CARMIL1: variants seen among roughly 807,000 people sequenced by gnomAD.
CARMIL1 encodes capping protein regulator and myosin 1 linker 1.
In CARMIL1, 90 loss-of-function variants were observed where a neutral mutation model predicts 177.1. That is an observed-to-expected ratio of 0.51 (90% CI 0.43 to 0.61). CARMIL1 has a LOEUF of 0.61. CARMIL1 is among the 20% of genes least tolerant of loss of function. The pLI is 0.00. For synonymous variants in CARMIL1, 577 were observed against 606.2 expected, an observed-to-expected ratio of 0.95 and a Z score of 0.71; for missense variants, 1,380 against 1,667.0, an observed-to-expected ratio of 0.83 and a Z score of 3.00.
chr6:25,329,301 AG>A (rs1048521660), intron 2 of CARMIL1, among the ~76,000 whole-genome samples: 8 of 152,196 alleles, frequency 5.3e-5, no homozygotes, highest in Non-Finnish European at 1.0e-4. Context: ...GGTTGTGACC[AG>A]GCTCTTTCTT....
In CARMIL1 at chr6:25,607,590, C is replaced by T. The variant is rs558207946; in HGVS notation, c.3847+1317C>T. 2.0e-5 allele frequency among the ~76,000 whole-genome samples: 3 copies of T among 152,248 alleles called. No individual in the cohort carries two copies. In the East Asian group the frequency reaches 5.8e-4, roughly 29 times the overall value. ...GTGGTAACTGTTTCTATTGACCTCT[C>T]CCCCATGGACATGTATATTGTAAAG... On this transcript the variant is annotated intron_variant, in intron 35 of 36. Transcript: ENST00000329474.
Position 25,500,358 on chromosome 6 carries a change from A to G in CARMIL1, c.1395+123A>G, listed in dbSNP as rs572429181. 4 of 784,220 alleles carry G rather than the reference A, an allele frequency of 5.1e-6. No homozygotes were observed. In the South Asian group the frequency reaches 5.3e-5, roughly 10 times the overall value. 48.6% of individuals were successfully genotyped at this position (784,220 alleles called of 1,614,324 possible). On this transcript the variant is annotated intron_variant, in intron 17 of 36. Transcript: ENST00000329474. ...TAAATGAAGCAGAAAAATAAATTAT[A>G]CAAGTTTCTAATGTTCTGTATTTTG... is the stretch of plus-strand genomic sequence containing the variant.
At chr6:25,397,554 A>C (rs900236145) in intron 2 of CARMIL1, among the ~76,000 whole-genome samples, 2 of 152,232 alleles carry the variant, frequency 1.3e-5, no homozygotes, top group African/African-American at 4.8e-5. Flanking sequence ...GGGTGTTTTT[A>C]CATGCACTTT....
chr6:25,384,440 T>C (rs1332185763), intron 2 of CARMIL1, among the ~76,000 whole-genome samples: 1 of 152,238 alleles, frequency 6.6e-6, no homozygotes, highest in Admixed American at 6.5e-5. Context: ...CAGCCACGTG[T>C]ACAATAGGTA....
At chr6:25,325,877 A>C (rs1785042371) in intron 2 of CARMIL1, among the ~76,000 whole-genome samples, 1 of 151,718 alleles carries the variant, frequency 6.6e-6, no homozygotes, top group Admixed American at 6.6e-5. Flanking sequence ...GTCAGATGAG[A>C]CTTTTTTTTT....
chr6:25,279,930 A>C (rs1780939351), intron 1 of CARMIL1, 95 bp downstream of exon 1: 2 of 1,432,226 alleles, frequency 1.4e-6, no homozygotes, highest in Non-Finnish European at 2.0e-6. Flanking sequence ...GGTCTCGAGA[A>C]GTCTTGGCGC....
chr6:25,331,085 C>T (rs966829375), intron 2 of CARMIL1, among the ~76,000 whole-genome samples: 1 of 152,260 alleles, frequency 6.6e-6, no homozygotes, highest in Middle Eastern at 3.4e-3. Flanking sequence ...GGAGGAGGCA[C>T]TCAGTATATT....
At chr6:25,574,609 T>C (rs1233906826) in intron 29 of CARMIL1, among the ~76,000 whole-genome samples, 1 of 152,230 alleles carries the variant, frequency 6.6e-6, no homozygotes, top group East Asian at 1.9e-4. Context: ...TTCCTGTTTG[T>C]TTTTTGTGTT....
chr6:25,581,171 A>G, intron 30 of CARMIL1, 72 bp from the exon 31 acceptor site: 1 of 1,447,918 alleles, frequency 6.9e-7, no homozygotes, highest in Non-Finnish European at 9.4e-7. Context: ...ACTTTTAGGA[A>G]TTTTTTATCC....
intron 2 of CARMIL1, among the ~76,000 whole-genome samples, chr6:25,301,950 A>G (rs891009816): frequency 2.0e-5 from 3 of 151,954 alleles, no homozygotes; most frequent in Non-Finnish European, 2.9e-5. Context: ...TTTGCCTCCA[A>G]TAACATTTTC....
At chr6:25,572,656 T>C (rs529406126) in intron 29 of CARMIL1, among the ~76,000 whole-genome samples, 2 of 144,256 alleles carry the variant, frequency 1.4e-5, no homozygotes, top group Admixed American at 7.3e-5. Context: ...TGAGCCAAGA[T>C]TGAGCCACTG....
chr6:25,395,963 T>C (rs991239147), intron 2 of CARMIL1, among the ~76,000 whole-genome samples: 5 of 152,232 alleles, frequency 3.3e-5, no homozygotes, highest in Admixed American at 6.5e-5. Context: ...GTACAGTTTC[T>C]GTGCCTTGCC....
chr6:25,294,535 C>G (rs1326579632), intron 2 of CARMIL1, among the ~76,000 whole-genome samples: 1 of 152,166 alleles, frequency 6.6e-6, no homozygotes, highest in Non-Finnish European at 1.5e-5. Flanking sequence ...AAAGCAAAAG[C>G]CCCCAAAAGC....
Position 25,319,637 on chromosome 6 carries a change from C to G in CARMIL1, c.138+34728C>G, listed in dbSNP as rs1338787357. ...CATTTAATACACATTTTTCTGGGGC[C>G]CATAGCTTTTATTACATTTTCAAAG... On this transcript the variant is annotated intron_variant, in intron 2 of 36. Transcript: ENST00000329474. 2.0e-5 allele frequency among the ~76,000 whole-genome samples: 3 copies of G among 151,984 alleles called. No homozygotes were observed. In the South Asian group the frequency reaches 6.2e-4, roughly 32 times the overall value.
intron 2 of CARMIL1, among the ~76,000 whole-genome samples, chr6:25,369,379 G>GTTTTTT (rs5875032): frequency 7.1e-6 from 1 of 140,850 alleles, no homozygotes; most frequent in Admixed American, 7.1e-5. Context: ...GCTGTATTTT[G>GTTTTTT]TTTTTTTTTT....
In CARMIL1 at chr6:25,455,233, A is replaced by T. The variant is rs944500312; in HGVS notation, c.614+4522A>T. Among the ~76,000 whole-genome samples the T allele has an allele frequency of 5.1e-4, 77 of 152,226 alleles. 2 individuals carry two copies. The highest frequency in any genetic ancestry group is 2.6e-4 in the Admixed American group (4 of 15,276). The stretch of plus-strand genomic sequence containing the variant: ...TCTGTGAACTTCATATTACAGCTAG[A>T]GAAAGCTGTACTTGTTTCAGAGTCA... On this transcript the variant is annotated intron_variant, in intron 8 of 36. Coordinates refer to ENST00000329474, the MANE Select transcript of CARMIL1 (RefSeq NM_017640.6).
At chr6:25,347,894 A>G (rs1787694171) in intron 2 of CARMIL1, among the ~76,000 whole-genome samples, 1 of 152,198 alleles carries the variant, frequency 6.6e-6, no homozygotes, top group South Asian at 2.1e-4. Context: ...CAGTAGTAGC[A>G]CCACTTTCAA....
chr6:25,306,524 C>G (rs1197747001), intron 2 of CARMIL1, among the ~76,000 whole-genome samples: 1 of 152,162 alleles, frequency 6.6e-6, no homozygotes, highest in Non-Finnish European at 1.5e-5. Context: ...GAAAAGTTGT[C>G]TTCCAGGAAA....
chr6:25,408,053 G>A (rs985167348), intron 2 of CARMIL1, among the ~76,000 whole-genome samples: 1 of 152,108 alleles, frequency 6.6e-6, no homozygotes, highest in African/African-American at 2.4e-5. Flanking sequence ...CAAACACTTT[G>A]TGAGGCCCAG....
Sources: gnomAD v4.1 joint callset for allele counts (sites outside exome capture counted in the v4.1 genomes callset) on GRCh38, gnomAD v4.1.1 for gene constraint, MANE v1.5 for transcripts, NCBI Gene and HGNC (gene_info 2026-07-23, HGNC 2026-07-21) for gene names.